Variants in COL17A1 observed in about 807,000 individuals in gnomAD.
The protein encoded by COL17A1 is collagen alpha-1(XVII) chain.
A neutral mutation model predicts 218.4 loss-of-function variants in COL17A1; 181 were observed. That is an observed-to-expected ratio of 0.83 (90% CI 0.73 to 0.94). COL17A1 has a LOEUF of 0.94. COL17A1 is among the 40% of genes least tolerant of loss of function. The pLI, the probability that COL17A1 is intolerant of heterozygous loss-of-function variation, is 0.00. For synonymous variants in COL17A1, 721 were observed against 731.0 expected, an observed-to-expected ratio of 0.99 and a Z score of 0.22; for missense variants, 1,924 against 1,945.9, an observed-to-expected ratio of 0.99 and a Z score of 0.21.
chr10:104,042,076 G>A (rs1036583403), intron 36 of COL17A1, among the ~76,000 whole-genome samples: 1 of 152,306 alleles, frequency 6.6e-6, no homozygotes, highest in East Asian at 1.9e-4. Context: ...CTCCACCTGG[G>A]CTCCTTAAAG....
chr10:104,055,483 A>ACAGACAC (rs61376250), intron 18 of COL17A1, 82 bp from the exon 19 acceptor site: 13 of 1,389,560 alleles, frequency 9.4e-6, no homozygotes, highest in Admixed American at 3.5e-5. Flanking sequence ...CACACACACA[A>ACAGACAC]TAAGGGGATC....
Position 104,076,531 on chromosome 10 carries a change from TC to T in COL17A1, c.203-103del, listed in dbSNP as rs879037091. On this transcript the variant is annotated intron_variant, in intron 4 of 55. Transcript: ENST00000648076. ...ATTAACCAAGTACACTCAGGGAGGG[TC>T]TTCGGGAGGGCACAGCTGAAAGGGG... 9.1e-6 allele frequency: 14 copies of T among 1,541,140 alleles called. No homozygotes were observed. The South Asian group carries it at 1.5e-4, about 16-fold the overall frequency.
intron 30 of COL17A1, 48 bp downstream of exon 30, chr10:104,048,020 CA>C (rs1342521319): frequency 6.2e-7 from 1 of 1,611,058 alleles, no homozygotes; most frequent in Non-Finnish European, 8.5e-7. Context: ...CATGCTGGAA[CA>C]GGGGCTGTGA....
intron 3 of COL17A1, 81 bp downstream of exon 3, chr10:104,078,461 A>C: frequency 6.3e-7 from 1 of 1,590,808 alleles, no homozygotes; most frequent in Non-Finnish European, 8.6e-7. Context: ...AAAATTTTGG[A>C]GCTCCCATGG....
chr10:104,076,539 A>T, intron 4 of COL17A1, 110 bp from the exon 5 acceptor site: 1 of 1,481,870 alleles, frequency 6.7e-7, no homozygotes, highest in Non-Finnish European at 9.3e-7. Flanking sequence ...GGTCTTCGGG[A>T]GGGCACAGCT....
rs2086534622 is a variant in COL17A1 at position 104,056,959 on chromosome 10, T to G, written c.1465+16A>C. 1 of 1,559,408 alleles carries G rather than the reference T, an allele frequency of 6.4e-7. No individual in the cohort carries two copies. The highest frequency in any genetic ancestry group is 1.2e-5 in the South Asian group (1 of 85,544). ...CCTCCTACCACACAGGCTGCCCTGC[T>G]GCCTTTGCCACGTACCCAGAGCAAT... On this transcript the variant is annotated intron_variant, in intron 17 of 55. Coordinates refer to ENST00000648076, the MANE Select transcript of COL17A1 (RefSeq NM_000494.4).
chr10:104,065,210 G>A (rs1244084016), intron 9 of COL17A1, among the ~76,000 whole-genome samples: 1 of 152,190 alleles, frequency 6.6e-6, no homozygotes, highest in Non-Finnish European at 1.5e-5. Context: ...ATATTTGTCT[G>A]TGAGAGGGAG....
chr10:104,056,601 A>AAG (rs2086530625), intron 17 of COL17A1, among the ~76,000 whole-genome samples: 1 of 152,144 alleles, frequency 6.6e-6, no homozygotes. Context: ...AAAGAAAGAA[A>AAG]AAGAAAAGAA....
intron 10 of COL17A1, among the ~76,000 whole-genome samples, chr10:104,064,225 C>T (rs577308404): frequency 1.3e-5 from 2 of 152,272 alleles, no homozygotes; most frequent in East Asian, 3.9e-4. Flanking sequence ...CCTGATACAC[C>T]GTGCTATATA....
chr10:104,052,054 G>T (rs2086474715), intron 24 of COL17A1, 101 bp downstream of exon 24: 39 of 1,525,090 alleles, frequency 2.6e-5, no homozygotes, highest in Non-Finnish European at 3.5e-5. Flanking sequence ...GGGGCAGGGG[G>T]TTAGGGCTGT....
At chr10:104,079,061 G>A (rs1484374648) in intron 2 of COL17A1, among the ~76,000 whole-genome samples, 2 of 152,144 alleles carry the variant, frequency 1.3e-5, no homozygotes, top group Non-Finnish European at 2.9e-5. Flanking sequence ...ATTATGTTTC[G>A]TTCTAATGTC....
rs1195939459 is a variant in COL17A1 at position 104,042,473 on chromosome 10, G to A, written c.2516-18C>T. 11 of 1,613,814 alleles carry A rather than the reference G, an allele frequency of 6.8e-6. No homozygotes were observed. The East Asian group carries it at 1.3e-4, about 20-fold the overall frequency. On this transcript the variant is annotated intron_variant, in intron 35 of 55. Transcript: ENST00000648076. The stretch of plus-strand genomic sequence containing the variant: ...GGCAGGGCCTGGAAACGGGGTTGAG[G>A]AAGAAAAGGCTAAATCATGCATGTA...
intron 1 of COL17A1, 67 bp from the exon 2 acceptor site, chr10:104,080,751 C>T (rs2086757965): frequency 1.3e-6 from 2 of 1,506,180 alleles, no homozygotes; most frequent in Non-Finnish European, 1.8e-6. Flanking sequence ...TAGGTCCCCA[C>T]TGTTGAAGCT....
At position 104,057,085 on chromosome 10, in the gene COL17A1, G is replaced by C; in HGVS notation, c.1355C>G (p.Ala452Gly). 2 of 1,611,424 alleles carry C rather than the reference G, an allele frequency of 1.2e-6. No individual in the cohort carries two copies. The highest frequency in any genetic ancestry group is 1.7e-6 in the Non-Finnish European group (2 of 1,178,636). Residue 452 changes from alanine to glycine, a missense_variant, in exon 17 of 56, where the codon GCG becomes GGG. Physicochemically the swap from Ala to Gly is moderately conservative, Grantham distance 60. Transcript: ENST00000648076. The part of the protein sequence containing the change: ...GGAGGGPWGP[A>G]PAWCPCGSCC... The stretch of plus-strand genomic sequence containing the variant: ...GGAGCCGCAGGGGCACCAGGCTGGC[G>C]CTGGTCCCCAAGGGCCGCCGCCAGC...
chr10:104,057,791 A>G (rs1046563935), intron 16 of COL17A1, among the ~76,000 whole-genome samples: 3 of 152,102 alleles, frequency 2.0e-5, no homozygotes, highest in Non-Finnish European at 4.4e-5. Context: ...GGAAAGGCTA[A>G]GGGGCTGGAG....
rs768999360 is a variant in COL17A1 at position 104,055,853 on chromosome 10, C to G, written c.1616G>C (p.Gly539Ala). 6.2e-7 allele frequency: 1 copy of G among 1,614,100 alleles called. No homozygotes were observed. Among genetic ancestry groups the G allele is most frequent in the Non-Finnish European group, 8.5e-7 (1 of 1,180,050 alleles). ...CTCCTCCTGGCTGTCACTGTGCAGC[C>G]CAATTTTGTCCAGGTCTGCTCCCGC... is the stretch of plus-strand genomic sequence containing the variant. ...PAAGADLDKI[G>A]LHSDSQEELW... Residue 539 changes from glycine (G) to alanine (A), a missense_variant, in exon 18 of 56, where the codon GGG becomes GCG. Transcript: ENST00000648076.
In COL17A1 at chr10:104,053,020, T is replaced by C. The variant is rs1325778103; in HGVS notation, c.1939+11A>G. The C allele has an allele frequency of 6.2e-7, 1 of 1,613,852 alleles. No individual in the cohort carries two copies. The highest frequency in any genetic ancestry group is 8.5e-7 in the Non-Finnish European group (1 of 1,179,892). ...ATAGCTAACTCTGCCGGTGAAGGAA[T>C]TGCCTCTTACCTCTTTCCCCTTTCT... On this transcript the variant is annotated intron_variant, in intron 23 of 55. Coordinates refer to ENST00000648076, the MANE Select transcript of COL17A1 (RefSeq NM_000494.4).
In COL17A1 at chr10:104,036,135, T is replaced by G. The variant is rs376542956; in HGVS notation, c.3418+357A>C. 9.6e-4 allele frequency among the ~76,000 whole-genome samples: 2 copies of G among 2,080 alleles called. 1 individual carries two copies. Among genetic ancestry groups the G allele is most frequent in the Non-Finnish European group, 2.6e-3 (2 of 758 alleles). 1.4% of individuals were successfully genotyped at this position (2,080 alleles called of 152,430 possible). On this transcript the variant is annotated intron_variant, in intron 48 of 55. Coordinates refer to ENST00000648076, the MANE Select transcript of COL17A1 (RefSeq NM_000494.4). ...GTGTGTATGGGAGTGTGTGTATATG[T>G]GTGTGTATGGGTGTATGGGAGTGTG...
At position 104,036,620 on chromosome 10, in the gene COL17A1, C is replaced by T. The variant is rs367802350; in HGVS notation, c.3290G>A (p.Arg1097His). Residue 1097 changes from arginine (R) to histidine (H), a missense_variant, in exon 48 of 56, where the codon CGT becomes CAT. Arg to His is a conservative substitution (Grantham distance 29). Transcript: ENST00000648076. ...ILAVLQRDDV[R>H]QYLRQYLMGP... The stretch of plus-strand genomic sequence containing the variant: ...CATCAAGTACTGACGTAGGTACTGA[C>T]GCACGTCATCCCCTGGAGAGGAGAG... 21 of 1,613,750 alleles carry T rather than the reference C, an allele frequency of 1.3e-5. No individual in the cohort carries two copies. The highest frequency in any genetic ancestry group is 1.7e-4 in the Middle Eastern group (1 of 6,028).
Sources: gnomAD v4.1 joint callset for allele counts (sites outside exome capture counted in the v4.1 genomes callset) on GRCh38, gnomAD v4.1.1 for gene constraint, MANE v1.5 for transcripts, NCBI Gene and HGNC (gene_info 2026-07-23, HGNC 2026-07-21) for gene names.